The following KDM4C variants were observed in gnomAD, a reference collection of about 807,000 sequenced individuals.
KDM4C encodes lysine-specific demethylase 4C.
A neutral mutation model predicts 129.3 loss-of-function variants in KDM4C; 81 were observed. The observed-to-expected ratio is 0.63, with a 90% CI of 0.52 to 0.75. The LOEUF (loss-of-function observed/expected upper bound fraction) is 0.75. Among genes scored for constraint, KDM4C ranks in the 30% least tolerant of loss-of-function variants. KDM4C has a pLI of 0.00. For synonymous variants in KDM4C, 573 were observed against 456.1 expected (o/e 1.26, Z -3.26); for missense variants, 1,457 against 1,304.0 (o/e 1.12, Z -1.81).
At chr9:7,087,400 A>G (rs1835255556) in intron 17 of KDM4C, among the ~76,000 whole-genome samples, 1 of 152,186 alleles carries the variant, frequency 6.6e-6, no homozygotes, top group Non-Finnish European at 1.5e-5. Context: ...TACATTTCCA[A>G]TAAAAATATA....
chr9:6,845,754 G>A (rs1368930946), intron 4 of KDM4C, among the ~76,000 whole-genome samples: 1 of 152,222 alleles, frequency 6.6e-6, no homozygotes, highest in Non-Finnish European at 1.5e-5. Context: ...CCAGGCTTAG[G>A]ACTCCAGTTA....
intron 4 of KDM4C, among the ~76,000 whole-genome samples, chr9:6,823,614 G>T (rs1463343047): frequency 6.6e-6 from 1 of 152,160 alleles, no homozygotes; most frequent in Non-Finnish European, 1.5e-5. Flanking sequence ...CTCCTTCGTT[G>T]CTGCTGCCTC....
chr9:6,893,621 G>A (rs1166908229), intron 8 of KDM4C: 1 of 154,596 alleles, frequency 6.5e-6, no homozygotes, highest in East Asian at 1.9e-4. Flanking sequence ...TTTACAGAAG[G>A]GAGTGTCTGA....
chr9:6,775,945 C>T (rs1822937513), intron 1 of KDM4C, among the ~76,000 whole-genome samples: 1 of 152,170 alleles, frequency 6.6e-6, no homozygotes, highest in Admixed American at 6.6e-5. Flanking sequence ...CCTCTTGTGA[C>T]AAAAATGTCT....
At position 7,174,719 on chromosome 9, in the gene KDM4C, A is replaced by G. The variant is rs926692405; in HGVS notation, c.3161A>G (p.Lys1054Arg). The G allele has an allele frequency of 1.2e-6, 2 of 1,614,136 alleles. No homozygotes were observed. Among genetic ancestry groups the G allele is most frequent in the Non-Finnish European group, 1.7e-6 (2 of 1,179,976 alleles). The change falls in exon 22 of 22, where the codon AAG (lysine) becomes AGG (arginine). Residue 1054 changes from lysine to arginine, a missense_variant. Coordinates refer to ENST00000381309, the MANE Select transcript of KDM4C (RefSeq NM_015061.6). Reference protein sequence around the residue: ...LKSSFQKKCQKRQ With the variant: ...LKSSFQKKCQRRQ ...AGCTCTTTCCAGAAGAAGTGCCAGA[A>G]GAGACAGTAGTCTGCATACATCGCT...
intron 17 of KDM4C, among the ~76,000 whole-genome samples, chr9:7,103,142 T>G (rs1413589570): frequency 1.3e-5 from 2 of 152,216 alleles, no homozygotes; most frequent in Admixed American, 6.5e-5. Context: ...AGATTTGGAT[T>G]ATTAAACGCT....
At chr9:6,730,598 G>C (rs1402068500) in intron 1 of KDM4C, among the ~76,000 whole-genome samples, 1 of 149,862 alleles carries the variant, frequency 6.7e-6, no homozygotes, top group Non-Finnish European at 1.5e-5. Context: ...CTGGGCGACA[G>C]AGCGAGACTC....
chr9:7,146,840 A>T (rs144820031), intron 19 of KDM4C, among the ~76,000 whole-genome samples: 1 of 152,304 alleles, frequency 6.6e-6, no homozygotes, highest in African/African-American at 2.4e-5. Flanking sequence ...GATAACAAAC[A>T]CGATTGTCCT....
chr9:6,814,539 T>A (rs900818630), intron 3 of KDM4C, 92 bp from the exon 4 acceptor site: 2 of 724,982 alleles, frequency 2.8e-6, no homozygotes, highest in Non-Finnish European at 4.4e-6. Context: ...TTGGTAGGAT[T>A]TTGTTTTAGA....
intron 5 of KDM4C, among the ~76,000 whole-genome samples, chr9:6,858,769 C>T (rs1472077425): frequency 3.3e-5 from 4 of 121,374 alleles, no homozygotes; most frequent in East Asian, 4.5e-4. Context: ...GATTTTGTCT[C>T]CCCCCCCGGC....
At chr9:7,030,693 A>G (rs1050733841) in intron 15 of KDM4C, among the ~76,000 whole-genome samples, 4 of 152,226 alleles carry the variant, frequency 2.6e-5, no homozygotes, top group Non-Finnish European at 4.4e-5. Flanking sequence ...TGCAAAGTAC[A>G]TTGTATTTTA....
chr9:6,832,857 A>G (rs1311974934), intron 4 of KDM4C, among the ~76,000 whole-genome samples: 3 of 150,082 alleles, frequency 2.0e-5, no homozygotes. Context: ...ACTCTGTAGT[A>G]GCTGGGATTA....
chr9:7,090,838 A>T (rs1205890625), intron 17 of KDM4C, among the ~76,000 whole-genome samples: 3 of 152,230 alleles, frequency 2.0e-5, no homozygotes, highest in Non-Finnish European at 2.9e-5. Flanking sequence ...CACTTTCAAA[A>T]ATAGGCACAC....
chr9:6,901,381 G>A (rs764600499), intron 8 of KDM4C, among the ~76,000 whole-genome samples: 1 of 152,264 alleles, frequency 6.6e-6, no homozygotes, highest in South Asian at 2.1e-4. Context: ...CTCACATAAG[G>A]GATTGTCAGA....
chr9:7,009,860 T>TA (rs1337425064), intron 12 of KDM4C, among the ~76,000 whole-genome samples: 4 of 152,176 alleles, frequency 2.6e-5, no homozygotes, highest in Non-Finnish European at 5.9e-5. Context: ...ATAAATACAT[T>TA]AGAACATTTC....
chr9:6,950,989 A>G (rs1205757836), intron 8 of KDM4C, among the ~76,000 whole-genome samples: 1 of 152,274 alleles, frequency 6.6e-6, no homozygotes, highest in East Asian at 1.9e-4. Flanking sequence ...CCATCTCTGA[A>G]GGGAGGCATT....
chr9:7,070,601 A>C (rs1833062511), intron 17 of KDM4C, among the ~76,000 whole-genome samples: 1 of 152,192 alleles, frequency 6.6e-6, no homozygotes. Flanking sequence ...TAACAGACTA[A>C]AGAAAAGCCA....
chr9:6,731,554 A>T (rs1299889700), intron 1 of KDM4C, among the ~76,000 whole-genome samples: 1 of 151,366 alleles, frequency 6.6e-6, no homozygotes, highest in African/African-American at 2.4e-5. Flanking sequence ...CTGGTCTCGA[A>T]CTCCTGACCT....
chr9:6,740,238 C>T (rs1040063015), intron 1 of KDM4C, among the ~76,000 whole-genome samples: 6 of 151,124 alleles, frequency 4.0e-5, no homozygotes, highest in African/African-American at 1.5e-4. Flanking sequence ...GAGTCTTGCT[C>T]TGTTGCCCAG....
Sources: gnomAD v4.1 joint callset for allele counts (sites outside exome capture counted in the v4.1 genomes callset) on GRCh38, gnomAD v4.1.1 for gene constraint, MANE v1.5 for transcripts, NCBI Gene and HGNC (gene_info 2026-07-23, HGNC 2026-07-21) for gene names.